Variants in TBCK observed in about 807,000 individuals in gnomAD.
TBCK encodes the protein TBC1 domain containing kinase, also known as TBC domain-containing protein kinase-like protein.
Under a neutral mutation model 113.4 loss-of-function variants are expected in TBCK, and 99 were observed. That is an observed-to-expected ratio of 0.87 (90% CI 0.74 to 1.03). The LOEUF (loss-of-function observed/expected upper bound fraction) is 1.03. Ranked by LOEUF, TBCK falls within the 50% of genes least tolerant of loss-of-function variation. TBCK has a pLI of 0.00. For synonymous variants in TBCK, 369 were observed against 370.8 expected (o/e 1.00, Z 0.05); for missense variants, 1,045 against 1,061.3 (o/e 0.98, Z 0.21).
At chr4:106,208,545 A>G (rs1415808979) in intron 20 of TBCK, among the ~76,000 whole-genome samples, 6 of 151,820 alleles carry the variant, frequency 4.0e-5, no homozygotes, top group African/African-American at 1.5e-4. Flanking sequence ...AGACTACCCA[A>G]CTTCAGGTAA....
intron 24 of TBCK, among the ~76,000 whole-genome samples, chr4:106,105,322 C>T (rs920293235): frequency 2.0e-5 from 3 of 152,174 alleles, no homozygotes; most frequent in Admixed American, 6.5e-5. Context: ...CTCTCTGGGG[C>T]GGAGCCCCCA....
intron 5 of TBCK, among the ~76,000 whole-genome samples, chr4:106,258,624 C>G (rs1002568164): frequency 6.6e-6 from 1 of 151,890 alleles, no homozygotes; most frequent in Non-Finnish European, 1.5e-5. Flanking sequence ...CTCCTTTCTT[C>G]GATTCATCAC....
chr4:106,282,004 G>A (rs1764645112), intron 3 of TBCK, among the ~76,000 whole-genome samples: 1 of 152,042 alleles, frequency 6.6e-6, no homozygotes, highest in African/African-American at 2.4e-5. Context: ...GAAAAGTTTG[G>A]CGGAATTCAG....
Position 106,256,818 on chromosome 4 carries a change from A to G in TBCK, c.455+3619T>C, listed in dbSNP as rs149798648. On this transcript the variant is annotated intron_variant, in intron 5 of 25. Transcript: ENST00000394708. ...CCATCAATACCTGATTTGATTCTAT[A>G]AAGTACCTATTTTGCCTGTTCTATA... 3.1e-3 allele frequency among the ~76,000 whole-genome samples: 466 copies of G among 152,280 alleles called. 2 individuals are homozygous for G. The highest frequency in any genetic ancestry group is 8.3e-3 in the South Asian group (40 of 4,826).
At chr4:106,107,877 G>A (rs1328731844) in intron 24 of TBCK, among the ~76,000 whole-genome samples, 12 of 151,932 alleles carry the variant, frequency 7.9e-5, no homozygotes. Flanking sequence ...AACAAGATAG[G>A]CCACTAGCTA....
intron 24 of TBCK, among the ~76,000 whole-genome samples, chr4:106,113,158 A>G (rs773902201): frequency 5.9e-5 from 9 of 152,348 alleles, no homozygotes; most frequent in Middle Eastern, 3.4e-3. Context: ...TACAAAAATT[A>G]AAACTAATAA....
chr4:106,145,083 G>A (rs1183014650), intron 23 of TBCK, among the ~76,000 whole-genome samples: 1 of 151,232 alleles, frequency 6.6e-6, no homozygotes, highest in Non-Finnish European at 1.5e-5. Context: ...ACTTTGGGAG[G>A]CCTAGGGGGG....
chr4:106,063,933 T>C (rs971897216), intron 25 of TBCK, among the ~76,000 whole-genome samples: 3 of 151,922 alleles, frequency 2.0e-5, no homozygotes, highest in African/African-American at 7.3e-5. Context: ...CAATCTTTGG[T>C]ATTTTGTTCT....
intron 2 of TBCK, among the ~76,000 whole-genome samples, chr4:106,306,118 C>A (rs1019214891): frequency 1.3e-5 from 2 of 152,036 alleles, no homozygotes; most frequent in Admixed American, 6.6e-5. Context: ...GGATTGGGAC[C>A]CTTTCCTGTA....
intron 25 of TBCK, among the ~76,000 whole-genome samples, chr4:106,085,314 A>T (rs556066209): frequency 1.6e-4 from 24 of 150,668 alleles, no homozygotes; most frequent in Non-Finnish European, 3.4e-4. Flanking sequence ...AACGGGTTGC[A>T]ATCTTAGTCG....
At chr4:106,244,960 T>G (rs752320721) in intron 10 of TBCK, among the ~76,000 whole-genome samples, 196 bp from the exon 11 acceptor site, 1 of 151,950 alleles carries the variant, frequency 6.6e-6, no homozygotes. Flanking sequence ...GACTGAAAAA[T>G]CAACAATTCT....
chr4:106,063,907 A>G (rs1393560159), intron 25 of TBCK, among the ~76,000 whole-genome samples: 2 of 151,894 alleles, frequency 1.3e-5, no homozygotes, highest in East Asian at 1.9e-4. Flanking sequence ...ATAAATTTCT[A>G]TTGTTATAAG....
At chr4:106,108,724 C>T (rs564173163) in intron 24 of TBCK, among the ~76,000 whole-genome samples, 113 of 152,270 alleles carry the variant, frequency 7.4e-4, no homozygotes, top group South Asian at 2.3e-3. Context: ...TCTCTCACCA[C>T]TTCTATGCAA....
chr4:106,244,686 T>C lies in TBCK; in HGVS notation c.1010A>G (p.Glu337Gly). 1 of 1,612,528 alleles carries C rather than the reference T, an allele frequency of 6.2e-7. No individual in the cohort carries two copies. Among genetic ancestry groups the C allele is most frequent in the Non-Finnish European group, 8.5e-7 (1 of 1,179,044 alleles). The change falls in exon 11 of 26, where the codon GAG becomes GGG. Residue 337 changes from glutamate (E) to glycine (G), a missense_variant. By Grantham distance (98) the Glu-to-Gly change is moderately conservative (BLOSUM62 -2). Transcript: ENST00000394708. ...GATTTCCTTGTTGACAAGCTCTTTC[T>C]CCAAGTCACCTCCAGCCAAACACCA... ...YLWCLAGGDL[E>G]KELVNKEIIR... is the part of the protein sequence containing the mutation.
chr4:106,143,957 T>G (rs547695927), intron 23 of TBCK, among the ~76,000 whole-genome samples: 18 of 151,974 alleles, frequency 1.2e-4, no homozygotes, highest in African/African-American at 4.3e-4. Flanking sequence ...CAATTACTCT[T>G]GCACCAACCT....
intron 22 of TBCK, among the ~76,000 whole-genome samples, chr4:106,188,739 C>T (rs554522768): frequency 6.6e-6 from 1 of 152,220 alleles, no homozygotes; most frequent in South Asian, 2.1e-4. Flanking sequence ...CATTACAGTT[C>T]CCAATACGTA....
rs1733912542 is a variant in TBCK, at chr4:106,042,286, C to A, written c.*4284G>T. On this transcript the variant is annotated 3_prime_UTR_variant, in exon 26 of 26. Coordinates refer to ENST00000394708, the MANE Select transcript of TBCK (RefSeq NM_001163435.3). ...ACTGATAGAATGAAATATCTGCCAA[C>A]CCTTTCTATATAGTCAAGGCAGCAG... The A allele has an allele frequency of 1.3e-5, 2 of 152,160 alleles. No homozygotes were observed. The highest frequency in any genetic ancestry group is 4.1e-4 in the South Asian group (2 of 4,834). 9.4% of individuals were successfully genotyped at this position (152,160 alleles called of 1,614,324 possible).
At position 106,295,089 on chromosome 4, in the gene TBCK, A is replaced by G. The variant is rs776630884; in HGVS notation, c.266+5T>C. 1.9e-6 allele frequency: 3 copies of G among 1,610,064 alleles called. No individual in the cohort carries two copies. The highest frequency in any genetic ancestry group is 2.5e-6 in the Non-Finnish European group (3 of 1,177,230). The stretch of plus-strand genomic sequence containing the variant: ...TCATTTAATTGTTCTGATACTATAC[A>G]GTACCTCACAGGTTTCCTTTCTCGA... On this transcript the variant is annotated splice_donor_5th_base_variant and intron_variant, in intron 3 of 25. Transcript: ENST00000394708.
intron 25 of TBCK, among the ~76,000 whole-genome samples, chr4:106,080,284 A>C (rs1198288461): frequency 6.6e-6 from 1 of 152,194 alleles, no homozygotes; most frequent in East Asian, 1.9e-4. Context: ...TTATACTACA[A>C]GGCTATAGTA....
Sources: allele counts gnomAD v4.1 joint callset (sites outside exome capture counted in the v4.1 genomes callset), GRCh38; gene constraint gnomAD v4.1.1; transcripts MANE v1.5; gene names NCBI Gene and HGNC (gene_info 2026-07-23, HGNC 2026-07-21).